KCNQ1: variants seen among roughly 807,000 people sequenced by gnomAD.
KCNQ1 encodes the protein potassium voltage-gated channel subfamily Q member 1.
Under a neutral mutation model 72.4 loss-of-function variants are expected in KCNQ1, and 49 were observed. That is an observed-to-expected ratio of 0.68 (90% confidence interval 0.54 to 0.86). The LOEUF is 0.86. Among genes scored for constraint, KCNQ1 ranks in the 40% least tolerant of loss-of-function variants. The probability of loss-of-function intolerance (pLI) is 0.00; values close to 1 mark genes in which losing one functional copy is unlikely to be tolerated. For missense variants in KCNQ1, 790 were observed against 945.1 expected (o/e 0.84, Z 2.15); for synonymous variants, 450 against 412.6 (o/e 1.09, Z -1.10).
At position 2,627,669 on chromosome 11, in the gene KCNQ1, T is replaced by C; in HGVS notation, c.1394-34292T>C. On this transcript the variant is annotated intron_variant, in intron 10 of 15. Coordinates refer to ENST00000155840, the MANE Select transcript of KCNQ1 (RefSeq NM_000218.3). The surrounding 1 kb of genome is among the most constrained non-coding windows in gnomAD (Gnocchi z 4.9). Reference sequence around the variant, plus strand: ...GGATGAATATTTCATTGTGTGTGTGTATATATGTGTGTGTGTGTGTCTGTA... The same window carrying C: ...GGATGAATATTTCATTGTGTGTGTGCATATATGTGTGTGTGTGTGTCTGTA... 2.5e-6 allele frequency: 1 copy of C among 398,606 alleles called. No homozygotes were observed. The highest frequency in any genetic ancestry group is 4.4e-6 in the Non-Finnish European group (1 of 226,066). The allele number at this position is 398,606 out of a possible 1,614,324, so 24.7% of individuals were successfully genotyped here.
intron 11 of KCNQ1, among the ~76,000 whole-genome samples, chr11:2,751,986 C>T (rs1427694195): frequency 6.6e-6 from 1 of 152,274 alleles, no homozygotes; most frequent in African/African-American, 2.4e-5. Flanking sequence ...TGCACTTTCT[C>T]GGTTGCCGCT....
In KCNQ1 at chr11:2,489,757, C is replaced by G. The variant is rs1246141556; in HGVS notation, c.387-38171C>G. Among the ~76,000 whole-genome samples, 3 of 152,064 alleles carry G rather than the reference C, an allele frequency of 2.0e-5. No individual in the cohort carries two copies. The East Asian group carries it at 5.8e-4, about 29-fold the overall frequency. On this transcript the variant is annotated intron_variant, in intron 1 of 15. Coordinates refer to ENST00000155840, the MANE Select transcript of KCNQ1 (RefSeq NM_000218.3). ...TCAGGCCCTGGCTCTTGGACATTTC[C>G]AGACACACCCTGGGCCAGAAGGGAA... is the stretch of plus-strand genomic sequence containing the variant.
chr11:2,681,772 C>G (rs1474667320), intron 11 of KCNQ1: 1 of 398,380 alleles, frequency 2.5e-6, no homozygotes, highest in Admixed American at 4.4e-5. Context: ...GCCCTGGGAC[C>G]TGGGAGGACC....
At chr11:2,589,482 G>A (rs558401133) in intron 10 of KCNQ1, among the ~76,000 whole-genome samples, 2 of 152,340 alleles carry the variant, frequency 1.3e-5, no homozygotes, top group East Asian at 1.9e-4. Context: ...CATCCCTGGT[G>A]AGGGGTTTTA....
In KCNQ1 at chr11:2,642,987, T is replaced by G. The variant is rs1849603536; in HGVS notation, c.1394-18974T>G. On this transcript the variant is annotated intron_variant, in intron 10 of 15. Transcript: ENST00000155840. This position sits in a 1 kb window ranked among gnomAD's most constrained non-coding sequence, Gnocchi z 4.3. ...AGTTTTGAATGCTCCTCTTATTTAT[T>G]TATAGTTTTATGCTATTGTGGTCTG... 2 of 397,892 alleles carry G rather than the reference T, an allele frequency of 5.0e-6. No individual in the cohort carries two copies. The highest frequency in any genetic ancestry group is 1.3e-4 in the South Asian group (1 of 7,850). 24.6% of individuals were successfully genotyped at this position (397,892 alleles called of 1,614,324 possible). A position where few individuals can be genotyped will look rare whatever the true frequency, so the allele number is the denominator to read the frequency against.
At chr11:2,794,181 G>T (rs370973586) in intron 15 of KCNQ1, among the ~76,000 whole-genome samples, 1 of 152,222 alleles carries the variant, frequency 6.6e-6, no homozygotes, top group South Asian at 2.1e-4. Flanking sequence ...GGCTGCTGTG[G>T]GATGAGGGAG....
rs1237160015 is a variant in KCNQ1 at position 2,550,687 on chromosome 11, G to A, written c.478-19941G>A. Among the ~76,000 whole-genome samples the A allele has an allele frequency of 6.6e-6, 1 of 152,202 alleles. No homozygotes were observed. Among genetic ancestry groups the A allele is most frequent in the Admixed American group, 6.5e-5 (1 of 15,280 alleles). ...GGCCAACAGAGATGGTGTCCCGGCTGATGTAGGGTCAGGGGCTTCTGGAAG... is the reference window on the plus strand; with the variant it reads ...GGCCAACAGAGATGGTGTCCCGGCTAATGTAGGGTCAGGGGCTTCTGGAAG... On this transcript the variant is annotated intron_variant, in intron 2 of 15. Transcript: ENST00000155840. This position sits in a 1 kb window ranked among gnomAD's most constrained non-coding sequence, Gnocchi z 6.0.
At chr11:2,797,882 C>T (rs1037151062) in intron 15 of KCNQ1, among the ~76,000 whole-genome samples, 1 of 152,104 alleles carries the variant, frequency 6.6e-6, no homozygotes, top group African/African-American at 2.4e-5. Flanking sequence ...TCCCTTTGGG[C>T]ACCTGCCCTG....
chr11:2,626,437 G>T lies in KCNQ1; in HGVS notation c.1394-35524G>T, dbSNP rs999109591. On this transcript the variant is annotated intron_variant, in intron 10 of 15. Transcript: ENST00000155840. This position sits in a 1 kb window ranked among gnomAD's most constrained non-coding sequence, Gnocchi z 4.0. ...GAATCATTTGATCATGTATACAAGG[G>T]TTTATTTTTGGGCTCTCTATTCAAT... 1 of 398,588 alleles carries T rather than the reference G, an allele frequency of 2.5e-6. No homozygotes were observed. The highest frequency in any genetic ancestry group is 4.4e-6 in the Non-Finnish European group (1 of 226,076). The allele number at this position is 398,588 out of a possible 1,614,324, so 24.7% of individuals were successfully genotyped here. A position where few individuals can be genotyped will look rare whatever the true frequency, so the allele number is the denominator to read the frequency against.
chr11:2,816,452 G>A lies in KCNQ1; in HGVS notation c.1795-31315G>A, dbSNP rs148475908. On this transcript the variant is annotated intron_variant, in intron 15 of 15. Coordinates refer to ENST00000155840, the MANE Select transcript of KCNQ1 (RefSeq NM_000218.3). The surrounding 1 kb of genome is among the most constrained non-coding windows in gnomAD (Gnocchi z 6.8). ...TCTCCTTCTGAGAATCCGCCCTGGA[G>A]CAGTAACACCCTTGGGACTGAGAAT... 4.0e-4 allele frequency among the ~76,000 whole-genome samples: 61 copies of A among 152,304 alleles called. No individual in the cohort carries two copies. The highest frequency in any genetic ancestry group is 1.3e-3 in the African/African-American group (52 of 41,558).
intron 11 of KCNQ1, among the ~76,000 whole-genome samples, chr11:2,749,520 C>T (rs1256607403): frequency 6.3e-5 from 9 of 143,456 alleles, no homozygotes; most frequent in East Asian, 2.2e-4. Flanking sequence ...TTAAAAGCAC[C>T]GAGGCTTGGC....
chr11:2,583,075 C>G (rs890574535), intron 6 of KCNQ1, among the ~76,000 whole-genome samples: 1 of 152,174 alleles, frequency 6.6e-6, no homozygotes. Flanking sequence ...GGCCGGCGCA[C>G]AGCAACGTCG....
intron 11 of KCNQ1, among the ~76,000 whole-genome samples, chr11:2,749,473 T>G (rs1246955087): frequency 6.6e-6 from 1 of 152,018 alleles, no homozygotes; most frequent in Non-Finnish European, 1.5e-5. Flanking sequence ...AGTTCCCTTA[T>G]TCGTACAACG....
intron 11 of KCNQ1, among the ~76,000 whole-genome samples, chr11:2,718,978 G>A (rs963460467): frequency 6.6e-6 from 1 of 152,226 alleles, no homozygotes; most frequent in African/African-American, 2.4e-5. Flanking sequence ...CCACCCTGGG[G>A]TGAAGGCTTG....
intron 15 of KCNQ1, among the ~76,000 whole-genome samples, chr11:2,820,564 C>CTGTTTGTT (rs3079085): frequency 0.011 from 1,741 of 151,826 alleles, 38 homozygotes; most frequent in African/African-American, 0.039. Context: ...ACTTACCTTG[C>CTGTTTGTT]TGTTTGTTTG....
chr11:2,581,212 G>A (rs1226275173), intron 6 of KCNQ1, among the ~76,000 whole-genome samples: 1 of 152,244 alleles, frequency 6.6e-6, no homozygotes, highest in Admixed American at 6.5e-5. Flanking sequence ...TGGGCCACCT[G>A]TGTGTGCTTT....
intron 15 of KCNQ1, among the ~76,000 whole-genome samples, chr11:2,837,342 C>G (rs888160962): frequency 2.6e-5 from 4 of 152,104 alleles, no homozygotes; most frequent in Non-Finnish European, 5.9e-5. Flanking sequence ...TCCCCTGAGC[C>G]CCTCCCTTCA....
intron 10 of KCNQ1, chr11:2,619,536 T>C (rs1849128488): frequency 2.5e-6 from 1 of 398,464 alleles, no homozygotes; most frequent in South Asian, 1.3e-4. Context: ...TGATATATAA[T>C]CTTTTTGATG....
Position 2,767,729 on chromosome 11 carries a change from T to TA in KCNQ1, c.1515-1114dup, listed in dbSNP as rs1260920182. Among the ~76,000 whole-genome samples, 4 of 152,232 alleles carry TA rather than the reference T, an allele frequency of 2.6e-5. No individual in the cohort carries two copies. Among genetic ancestry groups the TA allele is most frequent in the African/African-American group, 7.2e-5 (3 of 41,470 alleles). On this transcript the variant is annotated intron_variant, in intron 11 of 15. Coordinates refer to ENST00000155840, the MANE Select transcript of KCNQ1 (RefSeq NM_000218.3). This position sits in a 1 kb window ranked among gnomAD's most constrained non-coding sequence, Gnocchi z 4.6. Reference sequence around the variant, plus strand: ...GCTTCTCTCCACAGTGCCATGCGTCTACTGAGTACTCTGCTTAGCTTTTAC... The same window carrying TA: ...GCTTCTCTCCACAGTGCCATGCGTCTAACTGAGTACTCTGCTTAGCTTTTAC...
Sources: gnomAD v4.1 joint callset for allele counts (sites outside exome capture counted in the v4.1 genomes callset) on GRCh38, gnomAD v4.1.1 for gene constraint, Gnocchi (gnomAD v3.1) non-coding constraint, MANE v1.5 for transcripts, NCBI Gene and HGNC (gene_info 2026-07-23, HGNC 2026-07-21) for gene names.